Variants in ADGRL3 observed in about 807,000 individuals in gnomAD.
ADGRL3 encodes calcium-independent alpha-latrotoxin receptor 3.
ADGRL3 carries 62 observed loss-of-function variants against 153.5 expected under a neutral mutation model. The ratio of observed to expected loss-of-function variants is 0.40; its 90% CI spans 0.33 to 0.50. ADGRL3 has a LOEUF of 0.50. ADGRL3 is among the 20% of genes least tolerant of loss of function. ADGRL3 has a pLI of 0.47. For missense variants in ADGRL3, 1,641 were observed against 1,859.4 expected (o/e 0.88, Z 2.16); for synonymous variants, 710 against 672.5 (o/e 1.06, Z -0.86).
At chr4:61,773,023 T>G (rs1330978379) in intron 8 of ADGRL3, among the ~76,000 whole-genome samples, 1 of 152,212 alleles carries the variant, frequency 6.6e-6, no homozygotes, top group African/African-American at 2.4e-5. Context: ...CTCATACTTG[T>G]GTGCAAAGAC....
intron 9 of ADGRL3, among the ~76,000 whole-genome samples, chr4:61,831,100 G>C (rs575571748): frequency 6.6e-6 from 1 of 150,854 alleles, no homozygotes; most frequent in Non-Finnish European, 1.5e-5. Flanking sequence ...TGTTGGCCAG[G>C]CTGGTCTCAA....
chr4:61,645,949 A>T (rs561337938), intron 5 of ADGRL3, among the ~76,000 whole-genome samples: 20 of 152,124 alleles, frequency 1.3e-4, no homozygotes, highest in African/African-American at 4.8e-4. Context: ...TGGTTTTTTC[A>T]CATAGTCCCA....
At chr4:61,576,357 T>C (rs2098882191) in intron 4 of ADGRL3, among the ~76,000 whole-genome samples, 2 of 151,788 alleles carry the variant, frequency 1.3e-5, no homozygotes, top group South Asian at 4.2e-4. Context: ...ATTGATGGTT[T>C]CATTTTGGCT....
intron 9 of ADGRL3, among the ~76,000 whole-genome samples, chr4:61,847,457 G>A (rs991148432): frequency 8.1e-5 from 12 of 148,228 alleles, no homozygotes; most frequent in African/African-American, 2.7e-4. Flanking sequence ...AAACCTAAGG[G>A]GCAGGGTATG....
intron 2 of ADGRL3, among the ~76,000 whole-genome samples, chr4:61,460,084 G>T (rs569815494): frequency 1.3e-5 from 2 of 152,054 alleles, no homozygotes; most frequent in African/African-American, 4.8e-5. Context: ...AGTTTAATGC[G>T]ATCTCTTTTG....
intron 1 of ADGRL3, among the ~76,000 whole-genome samples, chr4:61,210,035 G>C (rs756619055): frequency 2.0e-4 from 31 of 152,078 alleles, no homozygotes; most frequent in Non-Finnish European, 2.8e-4. Flanking sequence ...TAAAACTTTT[G>C]AAAGGCTCAT....
chr4:61,419,625 C>G (rs1231076648), intron 2 of ADGRL3, among the ~76,000 whole-genome samples: 1 of 152,118 alleles, frequency 6.6e-6, no homozygotes, highest in Non-Finnish European at 1.5e-5. Context: ...GACAGTGGCC[C>G]CTGGAAATCA....
intron 4 of ADGRL3, among the ~76,000 whole-genome samples, chr4:61,544,255 A>G (rs1335574004): frequency 6.6e-6 from 1 of 152,076 alleles, no homozygotes; most frequent in Non-Finnish European, 1.5e-5. Flanking sequence ...CAGTTTTCTG[A>G]TATTTTTTAT....
intron 2 of ADGRL3, among the ~76,000 whole-genome samples, chr4:61,433,351 A>G (rs554489883): frequency 8.1e-6 from 1 of 123,726 alleles, no homozygotes; most frequent in South Asian, 2.8e-4. Context: ...CAGGACTGTG[A>G]ATAGCTTTTT....
intron 4 of ADGRL3, among the ~76,000 whole-genome samples, chr4:61,527,931 T>C (rs968584055): frequency 3.9e-5 from 6 of 152,130 alleles, no homozygotes; most frequent in Non-Finnish European, 5.9e-5. Flanking sequence ...AACTCCATTT[T>C]TCTTGGTTTC....
intron 6 of ADGRL3, among the ~76,000 whole-genome samples, chr4:61,707,326 C>T (rs537664522): frequency 2.8e-4 from 43 of 152,112 alleles, no homozygotes; most frequent in African/African-American, 8.7e-4. Context: ...AAAAACATGG[C>T]GCCAATTGAC....
At chr4:61,816,846 G>C (rs2097693991) in intron 9 of ADGRL3, among the ~76,000 whole-genome samples, 1 of 152,244 alleles carries the variant, frequency 6.6e-6, no homozygotes, top group Non-Finnish European at 1.5e-5. Flanking sequence ...AGCAGCTCTG[G>C]ACCCAGCCAT....
intron 9 of ADGRL3, among the ~76,000 whole-genome samples, chr4:61,856,962 T>TTC (rs1245246235): frequency 1.1e-5 from 1 of 89,546 alleles, no homozygotes; most frequent in African/African-American, 4.0e-5. Context: ...CTTTCTTTCT[T>TTC]TCTTTCTTTC....
chr4:61,272,276 A>C (rs2093227996), intron 1 of ADGRL3, among the ~76,000 whole-genome samples: 1 of 152,016 alleles, frequency 6.6e-6, no homozygotes, highest in Admixed American at 6.6e-5. Flanking sequence ...TTTTAATTTT[A>C]ATGACAAAAT....
At position 61,380,959 on chromosome 4, in the gene ADGRL3, T is replaced by C. The variant is rs533214439; in HGVS notation, c.-239-2165T>C. ...CCCTTCTTGCAGTTTTCTTTTCTAT[T>C]TTCTTCACCCTCCTGCTCGCCTTTT... On this transcript the variant is annotated intron_variant, in intron 1 of 26. Transcript: ENST00000683033. Among the ~76,000 whole-genome samples, 5 of 152,060 alleles carry C rather than the reference T, an allele frequency of 3.3e-5. No homozygotes were observed. In the East Asian group the frequency reaches 9.7e-4, roughly 29 times the overall value.
intron 25 of ADGRL3, 101 bp from the exon 26 acceptor site, chr4:62,068,065 T>C (rs1743958332): frequency 1.4e-6 from 1 of 695,616 alleles, no homozygotes; most frequent in South Asian, 2.1e-5. Flanking sequence ...TTGACTCTTT[T>C]TTCTGCATAT....
chr4:61,524,971 A>G (rs977393388), intron 4 of ADGRL3, among the ~76,000 whole-genome samples: 8 of 152,078 alleles, frequency 5.3e-5, no homozygotes, highest in African/African-American at 1.9e-4. Context: ...GAGAGACAGT[A>G]ATTTAATTCA....
intron 1 of ADGRL3, among the ~76,000 whole-genome samples, chr4:61,211,054 C>A (rs562300767): frequency 6.6e-6 from 1 of 152,246 alleles, no homozygotes; most frequent in East Asian, 1.9e-4. Context: ...ATTTTACGGT[C>A]ATTCTACAAT....
At chr4:61,967,665 A>G (rs187284948) in intron 17 of ADGRL3, among the ~76,000 whole-genome samples, 2 of 152,322 alleles carry the variant, frequency 1.3e-5, no homozygotes, top group African/African-American at 4.8e-5. Context: ...AGTCCTTTGC[A>G]TCTATGAATT....
Sources: allele counts gnomAD v4.1 joint callset (sites outside exome capture counted in the v4.1 genomes callset), GRCh38; gene constraint gnomAD v4.1.1; transcripts MANE v1.5; gene names NCBI Gene and HGNC (gene_info 2026-07-23, HGNC 2026-07-21).